APTX: variants seen among roughly 807,000 people sequenced by gnomAD.
APTX encodes the protein aprataxin.
APTX carries 33 observed loss-of-function variants against 42.3 expected under a neutral mutation model. The observed-to-expected ratio is 0.78, with a 90% CI of 0.59 to 1.04. The LOEUF (loss-of-function observed/expected upper bound fraction) is 1.04, where lower values mean the gene tolerates loss of function less well. Ranked by LOEUF, APTX falls within the 50% of genes least tolerant of loss-of-function variation. The probability of loss-of-function intolerance (pLI) is 0.00; values close to 1 mark genes in which losing one functional copy is unlikely to be tolerated. For missense variants in APTX, 421 were observed against 415.1 expected, an observed-to-expected ratio of 1.01 and a Z score of -0.12; for synonymous variants, 130 against 146.7, an observed-to-expected ratio of 0.89 and a Z score of 0.82.
chr9:33,000,850 T>C (rs944769929), intron 1 of APTX, among the ~76,000 whole-genome samples: 3 of 140,700 alleles, frequency 2.1e-5, no homozygotes, highest in Non-Finnish European at 3.1e-5. Context: ...TTTTTCTTTT[T>C]TTTTTTTTTT....
chr9:32,979,549 T>G (rs1193406989), intron 6 of APTX: 1 of 153,980 alleles, frequency 6.5e-6, no homozygotes. Flanking sequence ...TGGTAGTTAT[T>G]CCAACTCAAC....
chr9:33,019,853 C>A, intron 1 of APTX: 1 of 647,926 alleles, frequency 1.5e-6, no homozygotes, highest in Non-Finnish European at 2.8e-6. Flanking sequence ...GAGATCCTTC[C>A]CAACCACCCT....
intron 1 of APTX, 137 bp downstream of exon 1, chr9:33,001,430 A>T: frequency 6.5e-7 from 1 of 1,548,046 alleles, no homozygotes; most frequent in Non-Finnish European, 8.7e-7. Flanking sequence ...GAGGACGGAG[A>T]AAGCAGCCGT....
At chr9:33,024,564 C>T (rs1838692698) in intron 1 of APTX, among the ~76,000 whole-genome samples, 1 of 152,120 alleles carries the variant, frequency 6.6e-6, no homozygotes, top group Admixed American at 6.5e-5. Context: ...CAGAGGAGTC[C>T]ACGGCCCTCT....
chr9:33,010,134 C>G (rs1442386891), intron 1 of APTX, among the ~76,000 whole-genome samples: 1 of 152,100 alleles, frequency 6.6e-6, no homozygotes, highest in Non-Finnish European at 1.5e-5. Flanking sequence ...TATCTGGGCC[C>G]TCAATCTCAC....
rs1219935172 is a variant in APTX at position 32,992,168 on chromosome 9, G to A, written c.-4-2273C>T. Among the ~76,000 whole-genome samples, 5 of 152,154 alleles carry A rather than the reference G, an allele frequency of 3.3e-5. No individual in the cohort carries two copies. In the East Asian group the frequency reaches 7.7e-4, roughly 24 times the overall value. The stretch of plus-strand genomic sequence containing the variant: ...CTCAAGCCTCTAACATGCCTCTCCC[G>A]GAAACCTGCCTATAGTCAAGGCAGC... On this transcript the variant is annotated intron_variant, in intron 1 of 7. Coordinates refer to ENST00000379817, the MANE Select transcript of APTX (RefSeq NM_001195248.2).
chr9:32,992,505 C>G (rs1833876543), intron 1 of APTX, among the ~76,000 whole-genome samples: 1 of 152,132 alleles, frequency 6.6e-6, no homozygotes, highest in South Asian at 2.1e-4. Flanking sequence ...GCACAAGTGA[C>G]AACACAGATT....
chr9:33,014,367 AGGGC>A, intron 1 of APTX, among the ~76,000 whole-genome samples: 1 of 152,386 alleles, frequency 6.6e-6, no homozygotes, highest in East Asian at 1.9e-4. Flanking sequence ...AAATATCTAA[AGGGC>A]AGTTTATTAG....
Position 32,986,032 on chromosome 9 carries a change from TAAAAAAAAAACAAAAAAAAAAACAAA to T in APTX, c.484-28_484-3del, listed in dbSNP as rs1831941633. On this transcript the variant is annotated splice_polypyrimidine_tract_variant and splice_region_variant and intron_variant, in intron 4 of 7. Coordinates refer to ENST00000379817, the MANE Select transcript of APTX (RefSeq NM_001195248.2). The stretch of plus-strand genomic sequence containing the variant: ...TTGACTCCAGTGGCCCAGGGATTCC[TAAAAAAAAAACAAAAAAAAAAACAAA>T]AAAAAAAAAAAACAAGCAATGTAAA... 8 of 732,234 alleles carry T rather than the reference TAAAAAAAAAACAAAAAAAAAAACAAA, an allele frequency of 1.1e-5. No homozygotes were observed. The highest frequency in any genetic ancestry group is 1.9e-5 in the South Asian group (1 of 51,912). 45.4% of individuals were successfully genotyped at this position (732,234 alleles called of 1,614,324 possible). A position where few individuals can be genotyped will look rare whatever the true frequency, so the allele number is the denominator to read the frequency against.
At chr9:33,014,233 A>G (rs1587656161) in intron 1 of APTX, among the ~76,000 whole-genome samples, 1 of 131,568 alleles carries the variant, frequency 7.6e-6, no homozygotes, top group East Asian at 1.9e-4. Flanking sequence ...CTGAGGACTG[A>G]CCTCTCAGTC....
chr9:33,023,992 C>T (rs772505616), intron 1 of APTX, among the ~76,000 whole-genome samples: 10 of 152,348 alleles, frequency 6.6e-5, no homozygotes, highest in Non-Finnish European at 1.2e-4. Context: ...TTGTCCACTG[C>T]TCTCCTCCCA....
At chr9:32,990,089 T>G (rs1174756923) in intron 1 of APTX, 194 bp from the exon 2 acceptor site, 8 of 651,854 alleles carry the variant, frequency 1.2e-5, no homozygotes, top group Non-Finnish European at 1.9e-5. Context: ...TTGTGAAAAT[T>G]AAATGAGATA....
intron 1 of APTX, among the ~76,000 whole-genome samples, chr9:33,022,656 G>C (rs993722001): frequency 6.6e-6 from 1 of 152,096 alleles, no homozygotes; most frequent in Non-Finnish European, 1.5e-5. Flanking sequence ...TACATACTAC[G>C]CCATTAAAAA....
chr9:33,006,941 AG>A lies in APTX; in HGVS notation c.-4-17047del, dbSNP rs372097014. Among the ~76,000 whole-genome samples the A allele has an allele frequency of 4.6e-4, 66 of 143,836 alleles. No individual in the cohort carries two copies. The South Asian group carries it at 0.014, about 32-fold the overall frequency. The allele number at this position is 143,836 out of a possible 152,430, so 94.4% of individuals were successfully genotyped here. A position where few individuals can be genotyped will look rare whatever the true frequency, so the allele number is the denominator to read the frequency against. On this transcript the variant is annotated intron_variant, in intron 1 of 6. Coordinates refer to the APTX transcript ENST00000436040. ...TGTGAACCCAGGAGGCGGAGCTTGCAGTAAGCCTAGATTGCGCCACTACACT... is the reference window on the plus strand; with the variant it reads ...TGTGAACCCAGGAGGCGGAGCTTGCATAAGCCTAGATTGCGCCACTACACT...
chr9:33,019,818 C>T (rs369028582), intron 1 of APTX: 23 of 635,450 alleles, frequency 3.6e-5, no homozygotes, highest in South Asian at 2.3e-4. Context: ...TTCCAGCGGA[C>T]GGCCAGGATC....
At chr9:32,980,114 CAG>C (rs1275483648) in intron 6 of APTX, 8 of 152,742 alleles carry the variant, frequency 5.2e-5, no homozygotes, top group African/African-American at 1.9e-4. Flanking sequence ...TCTCTCGCTT[CAG>C]AGTTATTCTG....
chr9:33,016,384 T>G (rs991222648), intron 1 of APTX, among the ~76,000 whole-genome samples: 2 of 152,158 alleles, frequency 1.3e-5, no homozygotes, highest in African/African-American at 2.4e-5. Context: ...ACAGAAGATC[T>G]CAAGAAATAG....
chr9:33,015,396 A>G (rs1448624373), intron 1 of APTX, among the ~76,000 whole-genome samples: 1 of 152,014 alleles, frequency 6.6e-6, no homozygotes, highest in African/African-American at 2.4e-5. Flanking sequence ...GCCTCACTCT[A>G]TTGCCCAGGC....
chr9:33,008,768 T>C (rs1417473512), intron 1 of APTX, among the ~76,000 whole-genome samples: 2 of 152,138 alleles, frequency 1.3e-5, no homozygotes, highest in Admixed American at 6.5e-5. Context: ...GCAAGGCTGG[T>C]ATCGAACTCC....
Sources: gnomAD v4.1 joint callset for allele counts (sites outside exome capture counted in the v4.1 genomes callset) on GRCh38, gnomAD v4.1.1 for gene constraint, MANE v1.5 for transcripts, NCBI Gene and HGNC (gene_info 2026-07-23, HGNC 2026-07-21) for gene names.